HOXC4: variants seen among roughly 807,000 people sequenced by gnomAD.
The protein encoded by HOXC4 is homeobox C4.
In HOXC4, 15 loss-of-function variants were observed where a neutral mutation model predicts 25.5. That is an observed-to-expected ratio of 0.59 (90% CI 0.39 to 0.91). The LOEUF (loss-of-function observed/expected upper bound fraction) is 0.91. Among genes scored for constraint, HOXC4 ranks in the 40% least tolerant of loss-of-function variants. The pLI, the probability that HOXC4 is intolerant of heterozygous loss-of-function variation, is 0.00. For missense variants in HOXC4, 342 were observed against 352.4 expected (o/e 0.97, Z 0.24); for synonymous variants, 165 against 148.0 (o/e 1.11, Z -0.83).
chr12:54,049,329 C>T (rs941120447), upstream of HOXC4, among the ~76,000 whole-genome samples: 7 of 152,124 alleles, frequency 4.6e-5, no homozygotes, highest in Non-Finnish European at 7.4e-5. Context: ...GTCAAACACC[C>T]GAGGTGAAAT....
chr12:54,023,693 A>G (rs1940551121), intron 1 of HOXC4, among the ~76,000 whole-genome samples: 1 of 152,148 alleles, frequency 6.6e-6, no homozygotes, highest in Non-Finnish European at 1.5e-5. Context: ...GCACCCCCAA[A>G]TGATATCCAT....
intron 1 of HOXC4, among the ~76,000 whole-genome samples, chr12:54,044,332 T>G (rs540862662): frequency 3.7e-4 from 57 of 152,254 alleles, no homozygotes; most frequent in African/African-American, 1.3e-3. Flanking sequence ...AAAGGCTAAT[T>G]GGTGATTTTT....
chr12:54,050,868 A>G (rs576941744), upstream of HOXC4, among the ~76,000 whole-genome samples: 1 of 152,354 alleles, frequency 6.6e-6, no homozygotes, highest in East Asian at 1.9e-4. Context: ...AGAGGCATTT[A>G]ATATATTAAT....
rs552882440 is a variant in HOXC4, at chr12:54,027,149, G to A, written c.-124+9735G>A. Among the ~76,000 whole-genome samples the A allele has an allele frequency of 2.1e-4, 32 of 152,326 alleles. No homozygotes were observed. The South Asian group carries it at 6.2e-3, about 30-fold the overall frequency. ...CTACTGCGGCTCCCTCACAAGCCTC[G>A]GATTCAGCTGCCTTTTCGTAACCGT... On this transcript the variant is annotated intron_variant, in intron 1 of 3. Coordinates refer to the HOXC4 transcript ENST00000303406.
intron 1 of HOXC4, among the ~76,000 whole-genome samples, chr12:54,027,003 A>C (rs1385507331): frequency 2.8e-5 from 4 of 140,396 alleles, no homozygotes; most frequent in Non-Finnish European, 3.1e-5. Flanking sequence ...CTCCCCGCAC[A>C]CTCCCCACCA....
intron 1 of HOXC4, among the ~76,000 whole-genome samples, 177 bp from the exon 2 acceptor site, chr12:54,054,673 C>T (rs904251703): frequency 5.9e-5 from 9 of 152,100 alleles, no homozygotes; most frequent in Non-Finnish European, 1.3e-4. Flanking sequence ...GGATTCCCCT[C>T]TTATTACACT....
intron 1 of HOXC4, among the ~76,000 whole-genome samples, chr12:54,038,296 T>G (rs1308014483): frequency 6.6e-6 from 1 of 152,192 alleles, no homozygotes; most frequent in Non-Finnish European, 1.5e-5. Flanking sequence ...ATTTGCCAGG[T>G]CTTCCTGACC....
At chr12:54,036,742 C>A (rs1941191795) in intron 1 of HOXC4, among the ~76,000 whole-genome samples, 1 of 152,040 alleles carries the variant, frequency 6.6e-6, no homozygotes. Context: ...ATTTTTTCTC[C>A]ATGCTGAGTA....
At chr12:54,020,982 G>A (rs1427549259) in intron 1 of HOXC4, 3 of 152,234 alleles carry the variant, frequency 2.0e-5, no homozygotes, top group African/African-American at 7.2e-5. Flanking sequence ...TTCTTTTCAC[G>A]GGCATGGTGG....
chr12:54,019,649 C>T (rs941521261), intron 1 of HOXC4, among the ~76,000 whole-genome samples: 1 of 151,978 alleles, frequency 6.6e-6, no homozygotes, highest in Non-Finnish European at 1.5e-5. Flanking sequence ...TGGAGATTCA[C>T]CTAGAATATT....
chr12:54,054,048 A>G lies in HOXC4; in HGVS notation c.126A>G (p.Glu42=), dbSNP rs759251018. The G allele has an allele frequency of 6.2e-6, 10 of 1,613,976 alleles. No homozygotes were observed. The highest frequency in any genetic ancestry group is 1.6e-4 in the Middle Eastern group (1 of 6,084). The change falls in exon 1 of 2, where the codon GAA becomes GAG. Residue 42 remains glutamate (E), a synonymous_variant. Coordinates refer to ENST00000430889, the MANE Select transcript of HOXC4 (RefSeq NM_153633.3). ...CGGAATATTACGGCCGGACCAGGGA[A>G]TCGGGATTCCAGCATCACCACCAGG... is the stretch of plus-strand genomic sequence containing the variant. The part of the protein sequence containing the change: ...HSPEYYGRTR[E]SGFQHHHQEL...
At chr12:54,033,369 G>A in intron 1 of HOXC4, 2 of 1,612,842 alleles carry the variant, frequency 1.2e-6, no homozygotes, top group South Asian at 1.1e-5. Context: ...GGCCGCTCCG[G>A]GACACGCTCC....
At chr12:54,017,189 C>G (rs1940192683) in exon 1 of HOXC4, 1 of 152,228 alleles carries the variant, frequency 6.6e-6, no homozygotes, top group Admixed American at 6.5e-5. Context: ...CTCCGCCCCT[C>G]CTCTCTCCCA....
intron 1 of HOXC4, chr12:54,033,800 T>C (rs915427580): frequency 5.2e-6 from 3 of 574,552 alleles, no homozygotes; most frequent in Non-Finnish European, 9.2e-6. Flanking sequence ...TATTCAATTT[T>C]TGGGGGAGAG....
At position 54,028,822 on chromosome 12, in the gene HOXC4, G is replaced by A. The variant is rs1378365391; in HGVS notation, c.-124+11408G>A. 3.7e-6 allele frequency: 6 copies of A among 1,614,056 alleles called. No individual in the cohort carries two copies. In the South Asian group the frequency reaches 6.6e-5, roughly 18 times the overall value. ...AGGACATAACACACAGACCTCAATC[G>A]CTCAGGATTTTAGTTCTGAGCAGGG... On this transcript the variant is annotated intron_variant, in intron 1 of 3. Coordinates refer to the HOXC4 transcript ENST00000303406.
intron 1 of HOXC4, chr12:54,034,628 A>G: frequency 1.4e-6 from 1 of 727,248 alleles, no homozygotes; most frequent in Non-Finnish European, 2.2e-6. Context: ...CACAGACAAA[A>G]GCGCTTTTCC....
intron 1 of HOXC4, chr12:54,030,596 G>A (rs1253392220): frequency 6.6e-6 from 1 of 152,466 alleles, no homozygotes; most frequent in Non-Finnish European, 1.5e-5. Context: ...TGTGGTCTCT[G>A]TATTTATATT....
At chr12:54,039,213 A>G (rs765634) in intron 1 of HOXC4, among the ~76,000 whole-genome samples, 53,529 of 151,790 alleles carry the variant, frequency 0.35, 9,777 homozygotes, top group East Asian at 0.61. Flanking sequence ...CCAGAAGGGG[A>G]GCATGCCTGG....
intron 1 of HOXC4, among the ~76,000 whole-genome samples, chr12:54,044,176 C>T (rs1021181181): frequency 1.3e-5 from 2 of 151,996 alleles, no homozygotes; most frequent in African/African-American, 4.8e-5. Context: ...AAATCACTCT[C>T]CCCCAAAGCT....
Sources: gnomAD v4.1 joint callset for allele counts (sites outside exome capture counted in the v4.1 genomes callset) on GRCh38, gnomAD v4.1.1 for gene constraint, MANE v1.5 for transcripts, NCBI Gene and HGNC (gene_info 2026-07-23, HGNC 2026-07-21) for gene names.